NLRP14: variants seen among roughly 807,000 people sequenced by gnomAD.
NLRP14 encodes the protein NLR family pyrin domain containing 14.
In NLRP14, 105 loss-of-function variants were observed where a neutral mutation model predicts 94.7. That is an observed-to-expected ratio of 1.11 (90% CI 0.95 to 1.30). The LOEUF (loss-of-function observed/expected upper bound fraction) is 1.30, where lower values mean the gene tolerates loss of function less well. Ranked by LOEUF, NLRP14 falls within the 50% of genes most tolerant of loss-of-function variation. The probability of loss-of-function intolerance (pLI) is 0.00; values close to 1 mark genes in which losing one functional copy is unlikely to be tolerated. For synonymous variants in NLRP14, 508 were observed against 459.9 expected (o/e 1.10, Z -1.34); for missense variants, 1,362 against 1,254.1 (o/e 1.09, Z -1.30).
intron 6 of NLRP14, among the ~76,000 whole-genome samples, chr11:7,052,616 A>G (rs368716968): frequency 6.6e-6 from 1 of 152,188 alleles, no homozygotes; most frequent in Non-Finnish European, 1.5e-5. Context: ...TCTGGGCAAC[A>G]GAGCAAGACT....
intron 10 of NLRP14, among the ~76,000 whole-genome samples, chr11:7,064,707 C>A (rs1418185496): frequency 6.6e-6 from 1 of 152,070 alleles, no homozygotes; most frequent in Non-Finnish European, 1.5e-5. Context: ...ACATTATATA[C>A]CAATTCTATA....
chr11:7,057,907 T>G, intron 7 of NLRP14, 60 bp downstream of exon 7: 1 of 1,398,752 alleles, frequency 7.1e-7, no homozygotes, highest in Non-Finnish European at 1.0e-6. Flanking sequence ...GTAGCTTAAT[T>G]GTGATCTGAT....
At chr11:7,078,646 G>T in the NLRP14 span, among the ~76,000 whole-genome samples, 2 of 151,670 alleles carry the variant, frequency 1.3e-5, no homozygotes, top group Non-Finnish European at 2.9e-5. Flanking sequence ...AAAAGAGCCG[G>T]GCATGGTGGT....
rs36002808 is a variant in NLRP14 at position 7,053,469 on chromosome 11, T to TTATATA, written c.2291+3642_2291+3647dup. ...TTAAATCATATATATATGATTTAAA[T>TTATATA]TATATATATATATATACTTTAAAAT... On this transcript the variant is annotated intron_variant, in intron 6 of 11. Transcript: ENST00000299481. Among the ~76,000 whole-genome samples, 818 of 146,922 alleles carry TTATATA rather than the reference T, an allele frequency of 5.6e-3. 4 individuals carry two copies. The highest frequency in any genetic ancestry group is 0.019 in the African/African-American group (757 of 40,390).
chr11:7,089,465 C>T, the NLRP14 span: 10 of 1,273,290 alleles, frequency 7.9e-6, no homozygotes, highest in Admixed American at 4.5e-5. Flanking sequence ...GCGGGGGTGG[C>T]GGCGGCCCGC....
chr11:7,066,323 C>A, intron 10 of NLRP14, among the ~76,000 whole-genome samples: 1 of 152,202 alleles, frequency 6.6e-6, no homozygotes, highest in East Asian at 1.9e-4. Flanking sequence ...ACACTCTCAC[C>A]AACAGTGTAA....
chr11:7,049,868 G>A, intron 6 of NLRP14, 30 bp downstream of exon 6: 1 of 1,595,320 alleles, frequency 6.3e-7, no homozygotes, highest in Non-Finnish European at 8.6e-7. Context: ...GTCTTGTTTT[G>A]TTTTTATAAT....
rs757853244 is a variant in NLRP14, at chr11:7,058,256, T to C, written c.2463-24T>C. On this transcript the variant is annotated intron_variant, in intron 7 of 11. Coordinates refer to ENST00000299481, the MANE Select transcript of NLRP14 (RefSeq NM_176822.4). ...CATGGGCTTTGGGAATTGACAGATC[T>C]CTTCTCATCTCTTTCTCTTTCAGCT... The C allele has an allele frequency of 2.5e-6, 4 of 1,605,314 alleles. No homozygotes were observed. In the African/African-American group the frequency reaches 5.4e-5, roughly 21 times the overall value.
At chr11:7,029,971 C>T (rs1021185129) in intron 1 of NLRP14, among the ~76,000 whole-genome samples, 6 of 152,182 alleles carry the variant, frequency 3.9e-5, no homozygotes, top group African/African-American at 1.2e-4. Context: ...CGAATACTGG[C>T]TCCTCCTTTG....
chr11:7,048,961 A>G (rs143863750), intron 5 of NLRP14, among the ~76,000 whole-genome samples: 2 of 151,636 alleles, frequency 1.3e-5, no homozygotes, highest in African/African-American at 4.8e-5. Flanking sequence ...TAGTGCTATA[A>G]ATGGGTAAAG....
At chr11:7,081,923 C>G in the NLRP14 span, among the ~76,000 whole-genome samples, 1 of 152,158 alleles carries the variant, frequency 6.6e-6, no homozygotes, top group South Asian at 2.1e-4. Context: ...AAATTTCTGA[C>G]CCTCCATTCA....
intron 1 of NLRP14, among the ~76,000 whole-genome samples, chr11:7,028,636 A>G (rs1474363845): frequency 3.3e-5 from 5 of 152,134 alleles, no homozygotes; most frequent in Admixed American, 2.0e-4. Context: ...GCTCTACATG[A>G]TATCTCTCTT....
intron 5 of NLRP14, among the ~76,000 whole-genome samples, chr11:7,049,013 G>T (rs1852400843): frequency 6.6e-6 from 1 of 151,654 alleles, no homozygotes; most frequent in Non-Finnish European, 1.5e-5. Context: ...TGAGGGGAGT[G>T]AGGGTGGAGG....
the NLRP14 span, chr11:7,089,140 C>T: frequency 2.3e-4 from 376 of 1,613,884 alleles, 5 homozygotes; most frequent in South Asian, 3.9e-3. Flanking sequence ...GCGGATCGCC[C>T]GGGGAAGCTG....
At chr11:7,040,583 C>T (rs1444100889) in intron 3 of NLRP14, among the ~76,000 whole-genome samples, 3 of 152,144 alleles carry the variant, frequency 2.0e-5, no homozygotes, top group African/African-American at 7.2e-5. Context: ...TTTATTAACA[C>T]CATTTCCCCA....
At chr11:7,055,452 G>A (rs1022277147) in intron 6 of NLRP14, among the ~76,000 whole-genome samples, 3 of 152,096 alleles carry the variant, frequency 2.0e-5, no homozygotes, top group African/African-American at 7.2e-5. Context: ...GAGCAACCTG[G>A]AAATTACACA....
the NLRP14 span, among the ~76,000 whole-genome samples, chr11:7,085,849 T>G: frequency 6.6e-6 from 1 of 152,162 alleles, no homozygotes; most frequent in Non-Finnish European, 1.5e-5. Flanking sequence ...ACACAGTGTT[T>G]TGTGAAATAT....
intron 8 of NLRP14, 73 bp from the exon 9 acceptor site, chr11:7,059,821 A>C: frequency 7.7e-7 from 1 of 1,301,974 alleles, no homozygotes; most frequent in Non-Finnish European, 1.1e-6. Flanking sequence ...AAATCATGAA[A>C]TCTCTTCAGA....
chr11:7,083,780 T>C, the NLRP14 span, among the ~76,000 whole-genome samples: 2 of 152,222 alleles, frequency 1.3e-5, no homozygotes, highest in Non-Finnish European at 2.9e-5. Context: ...TACTGGTCAA[T>C]TGCAGTCACC....
Sources: gnomAD v4.1 joint callset for allele counts (sites outside exome capture counted in the v4.1 genomes callset) on GRCh38, gnomAD v4.1.1 for gene constraint, MANE v1.5 for transcripts, NCBI Gene and HGNC (gene_info 2026-07-23, HGNC 2026-07-21) for gene names.